Variants in PDZRN3 observed in about 807,000 individuals in gnomAD.
PDZRN3 encodes PDZ domain containing ring finger 3.
PDZRN3 carries 38 observed loss-of-function variants against 85.7 expected under a neutral mutation model. The observed-to-expected ratio is 0.44, with a 90% CI of 0.34 to 0.58. The LOEUF (loss-of-function observed/expected upper bound fraction) is 0.58. PDZRN3 is among the 20% of genes least tolerant of loss of function. The pLI is 0.01. For synonymous variants in PDZRN3, 759 were observed against 638.0 expected, an observed-to-expected ratio of 1.19 and a Z score of -2.86; for missense variants, 1,629 against 1,506.4, an observed-to-expected ratio of 1.08 and a Z score of -1.35.
chr3:73,613,955 A>C (rs2106911539), intron 1 of PDZRN3, among the ~76,000 whole-genome samples: 1 of 152,216 alleles, frequency 6.6e-6, no homozygotes, highest in Non-Finnish European at 1.5e-5. Flanking sequence ...AACCTTGGAG[A>C]AGGGGTTGTG....
At position 73,390,427 on chromosome 3, in the gene PDZRN3, G is replaced by A. The variant is rs184591136; in HGVS notation, c.1354-549C>T. On this transcript the variant is annotated intron_variant, in intron 6 of 9. Transcript: ENST00000263666. ...TAAGTCTAGTAGATCATTCTGTAGC[G>A]ACAAATTTTATTTCCTGACAAAATT... Among the ~76,000 whole-genome samples, 276 of 152,234 alleles carry A rather than the reference G, an allele frequency of 1.8e-3. 3 individuals carry two copies. Among genetic ancestry groups the A allele is most frequent in the Non-Finnish European group, 1.4e-3 (98 of 68,020 alleles).
intron 5 of PDZRN3, among the ~76,000 whole-genome samples, chr3:73,398,347 A>G (rs1024687302): frequency 1.3e-5 from 2 of 152,186 alleles, no homozygotes; most frequent in African/African-American, 4.8e-5. Context: ...GACTCAAGAG[A>G]ACAAGAGGAA....
At chr3:73,605,041 T>G (rs1702575952) in intron 2 of PDZRN3, among the ~76,000 whole-genome samples, 1 of 152,002 alleles carries the variant, frequency 6.6e-6, no homozygotes, top group South Asian at 2.1e-4. Flanking sequence ...AACAACATGG[T>G]GAAACCCCAT....
At chr3:73,393,749 A>T (rs2106699939) in intron 5 of PDZRN3, among the ~76,000 whole-genome samples, 1 of 152,312 alleles carries the variant, frequency 6.6e-6, no homozygotes, top group African/African-American at 2.4e-5. Flanking sequence ...CTTGTATTCA[A>T]GCAAGAAAAA....
intron 3 of PDZRN3, chr3:73,474,782 A>G: frequency 3.3e-6 from 1 of 305,440 alleles, no homozygotes. Flanking sequence ...AGGTATTAAG[A>G]AAGGAGCAAG....
In PDZRN3 at chr3:73,384,789, C is replaced by T. The variant is rs755503041; in HGVS notation, c.1777G>A (p.Ala593Thr). 1.1e-5 allele frequency: 17 copies of T among 1,613,910 alleles called. No homozygotes were observed. In the Admixed American group the frequency reaches 2.7e-4, roughly 25 times the overall value. ...GCCAGCGGGTTGGAGGATGCGGTGG[C>T]GTCGTCGCCATTGTTCTCTTGCTCC... ...SSEQENNGDDATASSNPLAGQ... is the reference protein window; with the variant it reads ...SSEQENNGDDTTASSNPLAGQ... The change falls in exon 10 of 10, where the codon GCC becomes ACC. Residue 593 changes from alanine (A) to threonine (T), a missense_variant. Transcript: ENST00000263666.
chr3:73,510,272 G>A (rs1377190308), intron 3 of PDZRN3, among the ~76,000 whole-genome samples: 1 of 152,106 alleles, frequency 6.6e-6, no homozygotes, highest in East Asian at 1.9e-4. Context: ...ATAGTTCATG[G>A]GTATGTAAAA....
intron 3 of PDZRN3, among the ~76,000 whole-genome samples, chr3:73,567,849 G>A (rs1374021120): frequency 3.3e-5 from 5 of 152,242 alleles, no homozygotes; most frequent in South Asian, 4.2e-4. Flanking sequence ...GAAATACAAC[G>A]ATAGGGTCCT....
intron 3 of PDZRN3, among the ~76,000 whole-genome samples, chr3:73,443,759 G>T (rs903860503): frequency 1.3e-5 from 2 of 151,488 alleles, no homozygotes; most frequent in African/African-American, 4.9e-5. Context: ...CTCCCAAAGT[G>T]CTGGAATTAT....
At chr3:73,474,384 A>G (rs1703407689) in intron 3 of PDZRN3, 6 of 884,128 alleles carry the variant, frequency 6.8e-6, no homozygotes, top group Admixed American at 2.7e-5. Context: ...TCGGTGGTGT[A>G]TAATGAGCAA....
chr3:73,457,418 G>C (rs934272587), intron 3 of PDZRN3, among the ~76,000 whole-genome samples: 1 of 152,098 alleles, frequency 6.6e-6, no homozygotes, highest in Admixed American at 6.6e-5. Flanking sequence ...CTGGAGTAGA[G>C]AAACAGTGTT....
intron 3 of PDZRN3, among the ~76,000 whole-genome samples, chr3:73,455,084 C>T (rs1702952215): frequency 6.6e-6 from 1 of 151,998 alleles, no homozygotes; most frequent in South Asian, 2.1e-4. Context: ...AGTTACCCTC[C>T]CAGTTTTCAC....
At chr3:73,492,226 CA>C (rs2106662733) in intron 3 of PDZRN3, among the ~76,000 whole-genome samples, 1 of 152,274 alleles carries the variant, frequency 6.6e-6, no homozygotes, top group East Asian at 1.9e-4. Flanking sequence ...AAATATTTCA[CA>C]GAAAAACCCA....
At chr3:73,495,434 T>A (rs546580185) in intron 3 of PDZRN3, among the ~76,000 whole-genome samples, 6 of 152,372 alleles carry the variant, frequency 3.9e-5, no homozygotes, top group South Asian at 4.1e-4. Context: ...TATTGATTCA[T>A]GTATATGCAT....
intron 5 of PDZRN3, among the ~76,000 whole-genome samples, chr3:73,392,972 C>A (rs1044347736): frequency 1.3e-5 from 2 of 152,142 alleles, no homozygotes; most frequent in African/African-American, 4.8e-5. Flanking sequence ...ACATCATCCT[C>A]TTATGTTTCA....
At chr3:73,609,409 T>C (rs991520202) in intron 1 of PDZRN3, among the ~76,000 whole-genome samples, 1 of 152,168 alleles carries the variant, frequency 6.6e-6, no homozygotes, top group African/African-American at 2.4e-5. Flanking sequence ...GCAACAGAGA[T>C]GCCAGGGAGA....
intron 7 of PDZRN3, among the ~76,000 whole-genome samples, chr3:73,389,518 G>A (rs1347823938): frequency 9.2e-5 from 14 of 152,082 alleles, no homozygotes; most frequent in Admixed American, 9.2e-4. Context: ...ACTGATGTTT[G>A]TTTTGATCCA....
chr3:73,624,044 C>CG lies in PDZRN3; in HGVS notation c.723+58dup. On this transcript the variant is annotated intron_variant, in intron 1 of 9. Transcript: ENST00000263666. ...CATCCCTGTACCCAAAGGGATGGGG[C>CG]GGGGCCCTGGGTCCCCAGGGATCCT... is the stretch of plus-strand genomic sequence containing the variant. 2.9e-6 allele frequency: 4 copies of CG among 1,374,722 alleles called. No individual in the cohort carries two copies. The Middle Eastern group carries it at 7.9e-4, about 273-fold the overall frequency. The allele number at this position is 1,374,722 out of a possible 1,614,324, so 85.2% of individuals were successfully genotyped here. A position where few individuals can be genotyped will look rare whatever the true frequency, so the allele number is the denominator to read the frequency against.
At chr3:73,399,616 C>T (rs9838288) in intron 5 of PDZRN3, among the ~76,000 whole-genome samples, 174 of 152,250 alleles carry the variant, frequency 1.1e-3, no homozygotes, top group African/African-American at 4.0e-3. Flanking sequence ...GGTGATAGGA[C>T]ACTAAATAAG....
Sources: gnomAD v4.1 joint callset for allele counts (sites outside exome capture counted in the v4.1 genomes callset) on GRCh38, gnomAD v4.1.1 for gene constraint, MANE v1.5 for transcripts, NCBI Gene and HGNC (gene_info 2026-07-23, HGNC 2026-07-21) for gene names.